LRP4: variants seen among roughly 807,000 people sequenced by gnomAD.
LRP4 encodes the protein low-density lipoprotein receptor-related protein 4.
A neutral mutation model predicts 220.3 loss-of-function variants in LRP4; 95 were observed. The observed-to-expected ratio is 0.43, with a 90% CI of 0.37 to 0.51. LRP4 has a LOEUF of 0.51. LRP4 is among the 20% of genes least tolerant of loss of function. The pLI is 0.00. For synonymous variants in LRP4, 903 were observed against 954.6 expected, an observed-to-expected ratio of 0.95 and a Z score of 1.00; for missense variants, 1,925 against 2,567.0, an observed-to-expected ratio of 0.75 and a Z score of 5.40.
rs1940864136 is a variant in LRP4 at position 46,871,558 on chromosome 11, G to A, written c.4659C>T (p.Val1553=). ...GGGCAAAGGGGTGGGACACATGGCT[G>A]ACCAAGACCTGCCGCAGTTTCCCAT... ...DLNGKLRQVL[V]SHVSHPFALT... is the part of the protein sequence containing the mutation. The change falls in exon 31 of 38, where the codon GTC becomes GTT. Residue 1553 remains valine (V), a synonymous_variant. Coordinates refer to ENST00000378623, the MANE Select transcript of LRP4 (RefSeq NM_002334.4). The A allele has an allele frequency of 6.2e-7, 1 of 1,613,032 alleles. No homozygotes were observed. Among genetic ancestry groups the A allele is most frequent in the East Asian group, 2.2e-5 (1 of 44,838 alleles).
At chr11:46,868,335 G>A (rs1940758106) in intron 33 of LRP4, among the ~76,000 whole-genome samples, 1 of 152,180 alleles carries the variant, frequency 6.6e-6, no homozygotes, top group Admixed American at 6.5e-5. Context: ...AAGAGAGAGT[G>A]ATGCACAGGC....
In LRP4 at chr11:46,859,225, G is replaced by C. The variant is rs781711078; in HGVS notation, c.5476C>G (p.Leu1826Val). ...LSGDDAEWDD[L>V]KQLRSSRGGL... is the part of the protein sequence containing the mutation. Reference sequence around the variant, plus strand: ...CCCCGTGAGCTTCGCAGTTGCTTGAGGTCATCCCACTCAGCATCATCCCCA... The same window carrying C: ...CCCCGTGAGCTTCGCAGTTGCTTGACGTCATCCCACTCAGCATCATCCCCA... Residue 1826 changes from leucine (L) to valine (V), a missense_variant, in exon 38 of 38, where the codon CTC (leucine) becomes GTC (valine). By Grantham distance (32) the Leu-to-Val change is conservative. Transcript: ENST00000378623. 6.2e-7 allele frequency: 1 copy of C among 1,614,112 alleles called. No homozygotes were observed. The highest frequency in any genetic ancestry group is 8.5e-7 in the Non-Finnish European group (1 of 1,180,008).
At position 46,879,274 on chromosome 11, in the gene LRP4, G is replaced by A; in HGVS notation, c.2856C>T (p.Thr952=). Residue 952 remains threonine, a synonymous_variant, in exon 21 of 38, where the codon ACC becomes ACT. Transcript: ENST00000378623. ...TCCAATAGATGCGCTCTCCATAGAG[G>A]GTCAGCCCAAATGGGTGGGGGAGCT... ...GSQLPHPFGL[T]LYGERIYWTD... is the part of the protein sequence containing the mutation. The A allele has an allele frequency of 6.2e-7, 1 of 1,614,186 alleles. No individual in the cohort carries two copies. Among genetic ancestry groups the A allele is most frequent in the Non-Finnish European group, 8.5e-7 (1 of 1,180,046 alleles).
chr11:46,864,538 AG>A lies in LRP4; in HGVS notation c.5156-4del, dbSNP rs1230509660. The stretch of plus-strand genomic sequence containing the variant: ...GTAGCTGATATGAAGTCCTTCCCCT[AG>A]GAAGAATAGAGAAACACTAGGCAGG... On this transcript the variant is annotated splice_polypyrimidine_tract_variant and splice_region_variant and intron_variant, in intron 35 of 37. Coordinates refer to ENST00000378623, the MANE Select transcript of LRP4 (RefSeq NM_002334.4). 1.2e-6 allele frequency: 2 copies of A among 1,601,022 alleles called. No homozygotes were observed. The highest frequency in any genetic ancestry group is 1.7e-5 in the Admixed American group (1 of 60,006).
At chr11:46,869,278 T>A in intron 31 of LRP4, 146 bp from the exon 32 acceptor site, 1 of 799,426 alleles carries the variant, frequency 1.3e-6, no homozygotes, top group East Asian at 2.7e-5. Context: ...TCAACAGACA[T>A]GACATTGTCA....
intron 21 of LRP4, 25 bp downstream of exon 21, chr11:46,879,101 C>A (rs753190843): frequency 6.2e-7 from 1 of 1,614,204 alleles, no homozygotes; most frequent in South Asian, 1.1e-5. Context: ...CACGGAGAAG[C>A]CAATGCGAGC....
intron 37 of LRP4, chr11:46,861,037 T>C (rs1940531914): frequency 1.3e-6 from 1 of 777,558 alleles, no homozygotes. Flanking sequence ...ACTATTTTCA[T>C]TGCTATCCTG....
intron 1 of LRP4, among the ~76,000 whole-genome samples, chr11:46,916,443 G>GA (rs1941947495): frequency 1.3e-5 from 2 of 151,658 alleles, no homozygotes; most frequent in South Asian, 2.1e-4. Context: ...CCCTCTCCAA[G>GA]AAAAAAAAGA....
In LRP4 at chr11:46,898,540, T is replaced by A. The variant is rs561118634; in HGVS notation, c.796+18A>T. On this transcript the variant is annotated intron_variant, in intron 7 of 37. Coordinates refer to ENST00000378623, the MANE Select transcript of LRP4 (RefSeq NM_002334.4). ...TCTCCTTAGTTCAAGCCCAACCTAATTCCATTTCCCCACTCACTGCAGTTG... is the reference window on the plus strand; with the variant it reads ...TCTCCTTAGTTCAAGCCCAACCTAAATCCATTTCCCCACTCACTGCAGTTG... The A allele has an allele frequency of 5.6e-6, 9 of 1,613,902 alleles. No homozygotes were observed. The East Asian group carries it at 1.1e-4, about 20-fold the overall frequency.
At position 46,875,656 on chromosome 11, in the gene LRP4, C is replaced by T; in HGVS notation, c.3725G>A (p.Gly1242Asp). The change falls in exon 27 of 38, where the codon GGT becomes GAT. Residue 1242 changes from glycine (G) to aspartate (D), a missense_variant. Coordinates refer to ENST00000378623, the MANE Select transcript of LRP4 (RefSeq NM_002334.4). The surrounding 1 kb of genome is among the most constrained non-coding windows in gnomAD (Gnocchi z 4.5). The part of the protein sequence containing the change: ...TERIEAADLN[G>D]ANRHTLVSPV... The stretch of plus-strand genomic sequence containing the variant: ...TGACACCAATGTATGCCGATTGGCA[C>T]CATTCAGGTCAGCAGCCTCAATTCG... 1 of 1,614,162 alleles carries T rather than the reference C, an allele frequency of 6.2e-7. No homozygotes were observed. The highest frequency in any genetic ancestry group is 8.5e-7 in the Non-Finnish European group (1 of 1,180,022).
chr11:46,899,046 A>T lies in LRP4; in HGVS notation c.548-14T>A. The T allele has an allele frequency of 1.2e-6, 2 of 1,607,432 alleles. No individual in the cohort carries two copies. The highest frequency in any genetic ancestry group is 1.7e-6 in the Non-Finnish European group (2 of 1,175,860). On this transcript the variant is annotated splice_polypyrimidine_tract_variant and intron_variant, in intron 5 of 37. Transcript: ENST00000378623. This position sits in a 1 kb window ranked among gnomAD's most constrained non-coding sequence, Gnocchi z 5.9. ...GCACTGCTGAGGCTGGAGGGAAGGC[A>T]GGGGTGGGGAGGGGCACACACTCAG...
At chr11:46,864,937 G>A (rs563985160) in intron 35 of LRP4, among the ~76,000 whole-genome samples, 182 bp downstream of exon 35, 8 of 152,242 alleles carry the variant, frequency 5.3e-5, no homozygotes, top group Non-Finnish European at 8.8e-5. Context: ...CCTGGCATAC[G>A]GAAAGCATAC....
intron 15 of LRP4, 100 bp from the exon 16 acceptor site, chr11:46,889,633 G>A: frequency 1.3e-6 from 2 of 1,502,380 alleles, no homozygotes; most frequent in Non-Finnish European, 1.8e-6. Context: ...TTCCCTGAAG[G>A]GAGAAACTAT....
At position 46,869,058 on chromosome 11, in the gene LRP4, G is replaced by A. The variant is rs1346806071; in HGVS notation, c.4767C>T (p.Asn1589=). ...IQRVDKYSGR[N]KETVLANVEG... ...CCACATTTGCCAGCACTGTCTCCTT[G>A]TTCCGGCCTGAGTATTTGTCAACAC... Residue 1589 remains asparagine (N), a synonymous_variant, in exon 32 of 38, where the codon AAC becomes AAT. Coordinates refer to ENST00000378623, the MANE Select transcript of LRP4 (RefSeq NM_002334.4). 7 of 1,614,144 alleles carry A rather than the reference G, an allele frequency of 4.3e-6. No homozygotes were observed. Among genetic ancestry groups the A allele is most frequent in the Non-Finnish European group, 5.9e-6 (7 of 1,180,030 alleles).
intron 37 of LRP4, 31 bp from the exon 38 acceptor site, chr11:46,859,346 T>G: frequency 6.6e-7 from 1 of 1,519,984 alleles, no homozygotes; most frequent in Non-Finnish European, 9.1e-7. Context: ...ATATGGTCAG[T>G]CAGTTGGCCT....
intron 31 of LRP4, 25 bp downstream of exon 31, chr11:46,871,500 A>T: frequency 6.7e-7 from 1 of 1,496,014 alleles, no homozygotes; most frequent in Non-Finnish European, 9.3e-7. Context: ...AAGGAGGTTT[A>T]GTTACCTCTC....
chr11:46,900,401 A>T, intron 2 of LRP4, 23 bp from the exon 3 acceptor site: 2 of 1,441,002 alleles, frequency 1.4e-6, no homozygotes, highest in East Asian at 4.5e-5. Context: ...AAAAGAAAAG[A>T]AAAGTCAATC....
intron 22 of LRP4, among the ~76,000 whole-genome samples, chr11:46,878,420 C>T (rs191345356): frequency 3.0e-4 from 45 of 151,690 alleles, no homozygotes; most frequent in African/African-American, 5.8e-4. Flanking sequence ...GCTGGGATTA[C>T]GCGCCACCAT....
At chr11:46,865,802 A>G (rs1940679291) in intron 34 of LRP4, among the ~76,000 whole-genome samples, 1 of 152,258 alleles carries the variant, frequency 6.6e-6, no homozygotes, top group Non-Finnish European at 1.5e-5. Flanking sequence ...AACTCTGACA[A>G]TAAGAAAAGG....
Sources: allele counts gnomAD v4.1 joint callset (sites outside exome capture counted in the v4.1 genomes callset), GRCh38; gene constraint gnomAD v4.1.1; non-coding constraint Gnocchi (gnomAD v3.1); transcripts MANE v1.5; gene names NCBI Gene and HGNC (gene_info 2026-07-23, HGNC 2026-07-21).